Variants in SETBP1 observed in about 807,000 individuals in gnomAD.
SETBP1 encodes SET-binding protein.
Under a neutral mutation model 101.0 loss-of-function variants are expected in SETBP1, and 9 were observed. The observed-to-expected ratio is 0.09, with a 90% CI of 0.05 to 0.16. SETBP1 has a LOEUF of 0.16. Ranked by LOEUF, SETBP1 falls within the 10% of genes least tolerant of loss-of-function variation. SETBP1 has a pLI of 1.00. For synonymous variants in SETBP1, 818 were observed against 788.5 expected (o/e 1.04, Z -0.63); for missense variants, 1,858 against 2,033.8 (o/e 0.91, Z 1.66).
chr18:45,017,591 G>C (rs575240651), intron 4 of SETBP1, among the ~76,000 whole-genome samples: 113 of 152,360 alleles, frequency 7.4e-4, no homozygotes, highest in Non-Finnish European at 1.2e-3. Context: ...AGAGGTGGCT[G>C]TAAAGGTGGC....
intron 4 of SETBP1, among the ~76,000 whole-genome samples, chr18:44,975,396 T>G (rs2071963726): frequency 6.6e-6 from 1 of 152,230 alleles, no homozygotes; most frequent in African/African-American, 2.4e-5. Flanking sequence ...AATTCACTTT[T>G]AATGCCAGTT....
intron 2 of SETBP1, among the ~76,000 whole-genome samples, chr18:44,800,892 C>G (rs1475533780): frequency 6.6e-6 from 1 of 152,116 alleles, no homozygotes; most frequent in African/African-American, 2.4e-5. Flanking sequence ...AAATGTCCAT[C>G]AATGATAGAC....
At chr18:45,020,874 A>G (rs1160140750) in intron 4 of SETBP1, among the ~76,000 whole-genome samples, 2 of 152,238 alleles carry the variant, frequency 1.3e-5, no homozygotes, top group Non-Finnish European at 2.9e-5. Context: ...TCTCTATTGC[A>G]TATCCATCTG....
At chr18:44,920,117 C>T (rs993547177) in intron 3 of SETBP1, among the ~76,000 whole-genome samples, 1 of 152,162 alleles carries the variant, frequency 6.6e-6, no homozygotes, top group East Asian at 1.9e-4. Context: ...ATGCAAGAAA[C>T]TTACCTGATC....
chr18:44,894,040 C>T (rs2069834256), intron 3 of SETBP1, among the ~76,000 whole-genome samples: 1 of 152,038 alleles, frequency 6.6e-6, no homozygotes, highest in African/African-American at 2.4e-5. Context: ...TGCAACTAAG[C>T]AGAAAGTTCA....
At chr18:44,872,678 C>T (rs531475121) in intron 3 of SETBP1, among the ~76,000 whole-genome samples, 53 of 152,350 alleles carry the variant, frequency 3.5e-4, no homozygotes, top group African/African-American at 1.3e-3. Flanking sequence ...TTTCTCAGTT[C>T]CTACAAGAAT....
chr18:44,800,521 T>G (rs2144772312), intron 2 of SETBP1, among the ~76,000 whole-genome samples: 1 of 152,234 alleles, frequency 6.6e-6, no homozygotes, highest in Non-Finnish European at 1.5e-5. Context: ...GAAGAAAACC[T>G]GTGGTGCTGG....
chr18:44,994,462 A>G (rs577085138), intron 4 of SETBP1, among the ~76,000 whole-genome samples: 96 of 152,326 alleles, frequency 6.3e-4, no homozygotes, highest in Non-Finnish European at 7.2e-4. Flanking sequence ...AAAATTTTGA[A>G]AAACAATTTG....
At chr18:44,876,407 C>T (rs1487202215) in intron 3 of SETBP1, among the ~76,000 whole-genome samples, 1 of 152,146 alleles carries the variant, frequency 6.6e-6, no homozygotes, top group African/African-American at 2.4e-5. Context: ...GTTGCCATTC[C>T]CAGCCTTGGC....
At chr18:44,941,457 C>G (rs2071086991) in intron 3 of SETBP1, among the ~76,000 whole-genome samples, 1 of 151,934 alleles carries the variant, frequency 6.6e-6, no homozygotes, top group African/African-American at 2.4e-5. Flanking sequence ...TGGTTTTGAT[C>G]AATTTGTCTA....
chr18:44,697,235 C>CCCAG (rs1279203861), intron 1 of SETBP1: 1 of 152,238 alleles, frequency 6.6e-6, no homozygotes, highest in African/African-American at 2.4e-5. Flanking sequence ...GCAGTTGATA[C>CCCAG]CCAGACTCAC....
chr18:44,811,264 C>T lies in SETBP1; in HGVS notation c.487-57966C>T, dbSNP rs375066871. 6.6e-5 allele frequency among the ~76,000 whole-genome samples: 10 copies of T among 152,332 alleles called. No individual in the cohort carries two copies. In the East Asian group the frequency reaches 7.7e-4, roughly 12 times the overall value. ...TTCCGGGCTGCAACCTTGATCCATC[C>T]GCCCATCACTCTCTGAACATTCATC... On this transcript the variant is annotated intron_variant, in intron 2 of 5. Transcript: ENST00000649279.
At chr18:45,059,172 A>G (rs1026977659) in intron 5 of SETBP1, among the ~76,000 whole-genome samples, 2 of 152,200 alleles carry the variant, frequency 1.3e-5, no homozygotes, top group African/African-American at 2.4e-5. Flanking sequence ...CTTCAACAAT[A>G]TCAACTTACA....
At chr18:44,866,746 T>C (rs1283921532) in intron 2 of SETBP1, among the ~76,000 whole-genome samples, 2 of 152,226 alleles carry the variant, frequency 1.3e-5, no homozygotes, top group Non-Finnish European at 2.9e-5. Flanking sequence ...TTATTTTCCG[T>C]CCTTTCCAGC....
chr18:45,027,689 A>G (rs1366098572), intron 4 of SETBP1, among the ~76,000 whole-genome samples: 2 of 152,216 alleles, frequency 1.3e-5, no homozygotes, highest in Non-Finnish European at 2.9e-5. Context: ...AGTGTTTACT[A>G]TAAATGGGCA....
chr18:44,722,597 G>A (rs1230783011), intron 2 of SETBP1, among the ~76,000 whole-genome samples: 1 of 152,238 alleles, frequency 6.6e-6, no homozygotes, highest in Non-Finnish European at 1.5e-5. Context: ...TGCTGCAGCT[G>A]TCTAAAGGCT....
chr18:44,862,081 G>A lies in SETBP1; in HGVS notation c.487-7149G>A, dbSNP rs1000142527. On this transcript the variant is annotated intron_variant, in intron 2 of 5. Transcript: ENST00000649279. ...CCAGAAGTTGAAATAGCTATGACTT[G>A]GACAGCAAGCAAATGTACACACCAC... is the stretch of plus-strand genomic sequence containing the variant. Among the ~76,000 whole-genome samples the A allele has an allele frequency of 5.3e-5, 8 of 152,210 alleles. 1 individual carries two copies. In the South Asian group the frequency reaches 1.7e-3, roughly 32 times the overall value.
chr18:44,745,902 T>C (rs2070232762), intron 2 of SETBP1, among the ~76,000 whole-genome samples: 1 of 152,188 alleles, frequency 6.6e-6, no homozygotes, highest in African/African-American at 2.4e-5. Flanking sequence ...AATTATTTCA[T>C]AGAACTTGAG....
chr18:44,815,631 G>A (rs1431382447), intron 2 of SETBP1, among the ~76,000 whole-genome samples: 1 of 152,170 alleles, frequency 6.6e-6, no homozygotes, highest in Non-Finnish European at 1.5e-5. Context: ...TCCCTTGGAG[G>A]ATGCAGGGCA....
Sources: allele counts gnomAD v4.1 joint callset (sites outside exome capture counted in the v4.1 genomes callset), GRCh38; gene constraint gnomAD v4.1.1; transcripts MANE v1.5; gene names NCBI Gene and HGNC (gene_info 2026-07-23, HGNC 2026-07-21).